Variants in PPP6R2 observed in about 807,000 individuals in gnomAD.
The protein encoded by PPP6R2 is protein phosphatase 6 regulatory subunit 2.
PPP6R2 carries 62 observed loss-of-function variants against 100.2 expected under a neutral mutation model. That is an observed-to-expected ratio of 0.62 (90% CI 0.50 to 0.76). PPP6R2 has a LOEUF of 0.76. PPP6R2 is among the 30% of genes least tolerant of loss of function. The pLI is 0.00. For missense variants in PPP6R2, 1,142 were observed against 1,276.3 expected (o/e 0.89, Z 1.60); for synonymous variants, 525 against 514.7 (o/e 1.02, Z -0.27).
intron 2 of PPP6R2, among the ~76,000 whole-genome samples, chr22:50,388,228 C>T (rs2054655158): frequency 1.3e-5 from 2 of 150,888 alleles, no homozygotes. Flanking sequence ...CTTGTCTCTA[C>T]AAAAAAAGTA....
chr22:50,364,221 C>A (rs2048322791), intron 1 of PPP6R2, among the ~76,000 whole-genome samples: 1 of 151,910 alleles, frequency 6.6e-6, no homozygotes, highest in Middle Eastern at 3.2e-3. Context: ...TATTGTGAGG[C>A]CAGTGGAATG....
chr22:50,354,583 T>C (rs1359317711), intron 1 of PPP6R2, among the ~76,000 whole-genome samples: 1 of 151,930 alleles, frequency 6.6e-6, no homozygotes, highest in African/African-American at 2.4e-5. Context: ...CCCAGCACTT[T>C]GGGAGGCTGA....
At chr22:50,385,554 C>T (rs1295564231) in intron 2 of PPP6R2, among the ~76,000 whole-genome samples, 1 of 148,784 alleles carries the variant, frequency 6.7e-6, no homozygotes, top group African/African-American at 2.5e-5. Context: ...TTGCTCTCAT[C>T]CCCTAGGCTG....
At chr22:50,415,992 A>G (rs1472330374) in intron 5 of PPP6R2, 100 bp from the exon 6 acceptor site, 8 of 1,070,130 alleles carry the variant, frequency 7.5e-6, no homozygotes, top group Non-Finnish European at 1.1e-5. Flanking sequence ...AAGAGTCTAT[A>G]TTCTAGAAAA....
intron 4 of PPP6R2, among the ~76,000 whole-genome samples, chr22:50,413,253 G>A (rs1469036600): frequency 2.0e-5 from 3 of 151,896 alleles, no homozygotes; most frequent in Admixed American, 6.6e-5. Flanking sequence ...GTGAGCCACC[G>A]CACCTGGCCA....
Position 50,438,737 on chromosome 22 carries a change from G to T in PPP6R2, c.2103G>T (p.Ala701=), listed in dbSNP as rs4824131. 8.7e-6 allele frequency: 14 copies of T among 1,603,642 alleles called. No homozygotes were observed. The highest frequency in any genetic ancestry group is 1.2e-5 in the Non-Finnish European group (14 of 1,175,158). The change falls in exon 19 of 24, where the codon GCG becomes GCT. Residue 701 remains alanine (A), a synonymous_variant. Coordinates refer to ENST00000612753, the MANE Select transcript of PPP6R2 (RefSeq NM_001242898.2). ...GAPPAPGKKE[A]PPVEGDSEGA... is the part of the protein sequence containing the mutation. ...CACCGGCCCCCGGGAAGAAGGAAGC[G>T]CCCCCTGTGGAGGGTGACTCAGAAG...
chr22:50,385,459 A>G (rs947281322), intron 2 of PPP6R2, among the ~76,000 whole-genome samples: 1 of 151,244 alleles, frequency 6.6e-6, no homozygotes, highest in African/African-American at 2.4e-5. Flanking sequence ...TTGGCTTCCC[A>G]AAATGCCGGG....
At chr22:50,430,845 G>T (rs5771054) in intron 10 of PPP6R2, among the ~76,000 whole-genome samples, 3 of 145,624 alleles carry the variant, frequency 2.1e-5, no homozygotes, top group South Asian at 2.2e-4. Flanking sequence ...CTGCACTCTA[G>T]CCTGGGAGAC....
chr22:50,370,009 A>G (rs2049694071), intron 1 of PPP6R2, among the ~76,000 whole-genome samples: 1 of 151,118 alleles, frequency 6.6e-6, no homozygotes, highest in Non-Finnish European at 1.5e-5. Context: ...TTGGCTTCCC[A>G]AAGTGCTGGG....
chr22:50,393,489 G>A (rs2056080071), intron 2 of PPP6R2: 3 of 985,132 alleles, frequency 3.0e-6, no homozygotes, highest in Non-Finnish European at 3.6e-6. Context: ...GAACTACAGA[G>A]CAAGCAAGAG....
intron 2 of PPP6R2, chr22:50,391,740 T>C (rs2055611795): frequency 6.6e-6 from 1 of 151,780 alleles, no homozygotes; most frequent in Non-Finnish European, 1.5e-5. Context: ...TTTTTGTTGC[T>C]TATCTCCTTG....
intron 1 of PPP6R2, among the ~76,000 whole-genome samples, chr22:50,361,443 A>G (rs2047769323): frequency 6.6e-6 from 1 of 152,090 alleles, no homozygotes; most frequent in South Asian, 2.1e-4. Context: ...GAGTGTACGG[A>G]TGAAGCCAGC....
chr22:50,441,195 T>A, intron 22 of PPP6R2, 169 bp downstream of exon 22: 1 of 637,624 alleles, frequency 1.6e-6, no homozygotes, highest in South Asian at 2.1e-5. Flanking sequence ...GAGGCGGCGG[T>A]GGTGCCCACG....
At position 50,431,840 on chromosome 22, in the gene PPP6R2, A is replaced by T. The variant is rs2063201679; in HGVS notation, c.1336-425A>T. Among the ~76,000 whole-genome samples the T allele has an allele frequency of 6.6e-6, 1 of 152,076 alleles. No individual in the cohort carries two copies. On this transcript the variant is annotated intron_variant, in intron 11 of 23. Coordinates refer to ENST00000612753, the MANE Select transcript of PPP6R2 (RefSeq NM_001242898.2). The surrounding 1 kb of genome is among the most constrained non-coding windows in gnomAD (Gnocchi z 4.8). ...CCAGGAAAAACATCTCAGGTACAAG[A>T]AGTGATCTGTGTCAGGGCCTGGAGG...
At chr22:50,399,757 C>A (rs540096473) in intron 3 of PPP6R2, among the ~76,000 whole-genome samples, 1 of 152,232 alleles carries the variant, frequency 6.6e-6, no homozygotes, top group Non-Finnish European at 1.5e-5. Flanking sequence ...CCTGCTTCTG[C>A]GGAGCAGCCC....
At chr22:50,406,492 G>C (rs1340194020) in intron 3 of PPP6R2, among the ~76,000 whole-genome samples, 197 bp from the exon 4 acceptor site, 8 of 152,218 alleles carry the variant, frequency 5.3e-5, no homozygotes, top group African/African-American at 1.9e-4. Flanking sequence ...AGCATAGAAG[G>C]TATGTTAAAA....
the PPP6R2 span, among the ~76,000 whole-genome samples, chr22:50,337,645 A>AGT: frequency 1.4e-5 from 1 of 68,986 alleles, no homozygotes; most frequent in Non-Finnish European, 2.5e-5. Flanking sequence ...GTGTGGGTAT[A>AGT]GTGTGTGTGT....
intron 1 of PPP6R2, among the ~76,000 whole-genome samples, chr22:50,355,876 T>A (rs1032996501): frequency 6.6e-6 from 1 of 151,386 alleles, no homozygotes; most frequent in Non-Finnish European, 1.5e-5. Context: ...TTTTAAAAAT[T>A]TTTCTCTTTT....
At chr22:50,379,178 C>T (rs2052336483) in intron 2 of PPP6R2, among the ~76,000 whole-genome samples, 1 of 152,088 alleles carries the variant, frequency 6.6e-6, no homozygotes, top group Admixed American at 6.6e-5. Flanking sequence ...CAGGCTAAGA[C>T]ACAGTCCTTT....
Sources: allele counts gnomAD v4.1 joint callset (sites outside exome capture counted in the v4.1 genomes callset), GRCh38; gene constraint gnomAD v4.1.1; non-coding constraint Gnocchi (gnomAD v3.1); transcripts MANE v1.5; gene names NCBI Gene and HGNC (gene_info 2026-07-23, HGNC 2026-07-21).